CRB1: variants seen among roughly 807,000 people sequenced by gnomAD.
The protein encoded by CRB1 is crumbs cell polarity complex component 1.
CRB1 carries 83 observed loss-of-function variants against 120.0 expected under a neutral mutation model. The ratio of observed to expected loss-of-function variants is 0.69; its 90% CI spans 0.58 to 0.83. The LOEUF is 0.83. Among genes scored for constraint, CRB1 ranks in the 40% least tolerant of loss-of-function variants. CRB1 has a pLI of 0.00. For synonymous variants in CRB1, 625 were observed against 612.5 expected, an observed-to-expected ratio of 1.02 and a Z score of -0.30; for missense variants, 1,699 against 1,687.6, an observed-to-expected ratio of 1.01 and a Z score of -0.12.
chr1:197,332,852 T>TG (rs1385687339), intron 2 of CRB1, among the ~76,000 whole-genome samples: 3 of 152,236 alleles, frequency 2.0e-5, no homozygotes, highest in African/African-American at 4.8e-5. Context: ...TGCTATCCCA[T>TG]GACCACCAGT....
chr1:197,289,459 G>C (rs1202216202), intron 1 of CRB1, among the ~76,000 whole-genome samples: 1 of 151,246 alleles, frequency 6.6e-6, no homozygotes, highest in African/African-American at 2.4e-5. Context: ...CCTTGGTTGG[G>C]GATTTATATT....
chr1:197,429,745 G>A (rs746278698), intron 8 of CRB1, 131 bp downstream of exon 8: 12 of 969,322 alleles, frequency 1.2e-5, no homozygotes, highest in Admixed American at 8.6e-5. Context: ...TCCCCTATGC[G>A]AGTAGGCTAA....
intron 4 of CRB1, 49 bp downstream of exon 4, chr1:197,347,528 AC>A (rs1378006706): frequency 1.3e-6 from 2 of 1,572,988 alleles, no homozygotes; most frequent in Non-Finnish European, 1.7e-6. Flanking sequence ...TGTTTAGAAT[AC>A]ACATATCGCT....
At chr1:197,231,854 T>C in the CRB1 span, among the ~76,000 whole-genome samples, 6 of 151,600 alleles carry the variant, frequency 4.0e-5, no homozygotes, top group African/African-American at 1.5e-4. Context: ...AGACGCTATT[T>C]GTAGTAGGCT....
chr1:197,272,322 A>T (rs917784877), intron 1 of CRB1, among the ~76,000 whole-genome samples: 1 of 152,140 alleles, frequency 6.6e-6, no homozygotes, highest in African/African-American at 2.4e-5. Context: ...AAATAATCTC[A>T]TCAGTTTACA....
intron 5 of CRB1, among the ~76,000 whole-genome samples, chr1:197,387,521 C>T (rs976804299): frequency 2.6e-5 from 4 of 152,024 alleles, no homozygotes; most frequent in Admixed American, 2.6e-4. Flanking sequence ...AATCTCTCTA[C>T]ATCTTTTTTG....
Position 197,435,340 on chromosome 1 carries a change from C to A in CRB1, c.3477C>A (p.Ser1159Arg). The A allele has an allele frequency of 1.2e-6, 2 of 1,613,706 alleles. No homozygotes were observed. The change falls in exon 9 of 12, where the codon AGC becomes AGA. Residue 1159 changes from serine (S) to arginine (R), a missense_variant. Coordinates refer to ENST00000367400, the MANE Select transcript of CRB1 (RefSeq NM_201253.3). ...LHGGNCEDIYSSYHCSCPLGW... is the reference protein window; with the variant it reads ...LHGGNCEDIYRSYHCSCPLGW... Reference sequence around the variant, plus strand: ...GAGGAAACTGTGAAGACATCTATAGCTCTTATCATTGCTCCTGTCCCTTGG... The same window carrying A: ...GAGGAAACTGTGAAGACATCTATAGATCTTATCATTGCTCCTGTCCCTTGG...
chr1:197,434,046 T>C (rs545820997), intron 8 of CRB1, among the ~76,000 whole-genome samples: 1 of 152,266 alleles, frequency 6.6e-6, no homozygotes, highest in African/African-American at 2.4e-5. Context: ...AGAAATGCAA[T>C]AGGATTGCCC....
chr1:197,390,769 T>A (rs901628311), intron 5 of CRB1, among the ~76,000 whole-genome samples: 5 of 152,028 alleles, frequency 3.3e-5, no homozygotes, highest in Non-Finnish European at 5.9e-5. Context: ...TCCTTCCTCA[T>A]CCCATGAAAA....
chr1:197,402,646 T>A (rs1157526554), intron 5 of CRB1, among the ~76,000 whole-genome samples: 1 of 152,230 alleles, frequency 6.6e-6, no homozygotes, highest in Admixed American at 6.5e-5. Context: ...TAAGGTCTAA[T>A]TTCTGTTCTC....
At chr1:197,460,001 C>CTTTTTTTTTTTTTTTTTTTTTTT (rs10679172) in intron 11 of CRB1, among the ~76,000 whole-genome samples, 9 of 75,614 alleles carry the variant, frequency 1.2e-4, no homozygotes, top group Non-Finnish European at 2.3e-4. Context: ...AAGCCCCCCT[C>CTTTTTTTTTTTTTTTTTTTTTTT]TTTTTTTTTT....
chr1:197,441,236 A>G (rs1305249026), intron 10 of CRB1: 1 of 152,248 alleles, frequency 6.6e-6, no homozygotes, highest in Non-Finnish European at 1.5e-5. Flanking sequence ...CAAAAGTAAA[A>G]TAGCCGCCTT....
At chr1:197,236,946 G>A in the CRB1 span, among the ~76,000 whole-genome samples, 26 of 151,624 alleles carry the variant, frequency 1.7e-4, no homozygotes, top group Admixed American at 4.6e-4. Context: ...GATATTTTTT[G>A]CATTTATGTT....
upstream of CRB1, among the ~76,000 whole-genome samples, chr1:197,264,613 CTTT>C (rs750805262): frequency 3.8e-5 from 5 of 131,028 alleles, no homozygotes; most frequent in Admixed American, 7.7e-5. Flanking sequence ...GTGCATTCTT[CTTT>C]TTTTTTTTTT....
rs1654711484 is a variant in CRB1, at chr1:197,268,343, A to G, written c.-70A>G. 3.5e-6 allele frequency: 4 copies of G among 1,137,340 alleles called. No individual in the cohort carries two copies. The East Asian group carries it at 9.4e-5, about 27-fold the overall frequency. 70.5% of individuals were successfully genotyped at this position (1,137,340 alleles called of 1,614,324 possible). A position where few individuals can be genotyped will look rare whatever the true frequency, so the allele number is the denominator to read the frequency against. On this transcript the variant is annotated 5_prime_UTR_variant, in exon 1 of 12. Transcript: ENST00000367400. ...AGGCACCCGCTCCTCTCTGAGACAG[A>G]CAGGGATCAGGAGCCGGACTGGGAC...
rs766014494 is a variant in CRB1 at position 197,478,041 on chromosome 1, C to T, written c.*162C>T. 93 of 730,908 alleles carry T rather than the reference C, an allele frequency of 1.3e-4. No individual in the cohort carries two copies. The highest frequency in any genetic ancestry group is 9.5e-4 in the South Asian group (60 of 63,314). The allele number at this position is 730,908 out of a possible 1,614,324, so 45.3% of individuals were successfully genotyped here. ...ACCTTAAAAACTTTCACAGTGGTTC[C>T]GCTCGACACCATTGTTTTATTATAT... On this transcript the variant is annotated 3_prime_UTR_variant, in exon 12 of 12. Coordinates refer to ENST00000367400, the MANE Select transcript of CRB1 (RefSeq NM_201253.3).
At chr1:197,203,993 T>C in the CRB1 span, among the ~76,000 whole-genome samples, 1 of 152,112 alleles carries the variant, frequency 6.6e-6, no homozygotes, top group Non-Finnish European at 1.5e-5. Context: ...ATTATTCTTA[T>C]GCCTTTGCAT....
At chr1:197,375,836 C>T (rs1661617900) in intron 5 of CRB1, among the ~76,000 whole-genome samples, 1 of 152,088 alleles carries the variant, frequency 6.6e-6, no homozygotes, top group South Asian at 2.1e-4. Flanking sequence ...ATGCATACAC[C>T]TCCTCAGATA....
chr1:197,327,543 A>C (rs2125302052), intron 1 of CRB1, among the ~76,000 whole-genome samples: 1 of 152,304 alleles, frequency 6.6e-6, no homozygotes, highest in African/African-American at 2.4e-5. Context: ...ATGCATACAC[A>C]CACACACAAG....
Sources: gnomAD v4.1 joint callset for allele counts (sites outside exome capture counted in the v4.1 genomes callset) on GRCh38, gnomAD v4.1.1 for gene constraint, MANE v1.5 for transcripts, NCBI Gene and HGNC (gene_info 2026-07-23, HGNC 2026-07-21) for gene names.